The following KDM4C variants were observed in gnomAD, a reference collection of about 807,000 sequenced individuals.
KDM4C encodes lysine-specific demethylase 4C.
In KDM4C, 81 loss-of-function variants were observed where a neutral mutation model predicts 129.3. That is an observed-to-expected ratio of 0.63 (90% CI 0.52 to 0.75). The LOEUF (loss-of-function observed/expected upper bound fraction) is 0.75. Ranked by LOEUF, KDM4C falls within the 30% of genes least tolerant of loss-of-function variation. The probability of loss-of-function intolerance (pLI) is 0.00; values close to 1 mark genes in which losing one functional copy is unlikely to be tolerated. For synonymous variants in KDM4C, 573 were observed against 456.1 expected, an observed-to-expected ratio of 1.26 and a Z score of -3.26; for missense variants, 1,457 against 1,304.0, an observed-to-expected ratio of 1.12 and a Z score of -1.81.
At chr9:6,741,238 A>G (rs935839206) in intron 1 of KDM4C, among the ~76,000 whole-genome samples, 5 of 151,978 alleles carry the variant, frequency 3.3e-5, no homozygotes, top group East Asian at 3.9e-4. Context: ...TCTACTAAAA[A>G]TACAAAAATT....
chr9:7,155,292 A>G (rs1843049584), intron 19 of KDM4C, among the ~76,000 whole-genome samples: 2 of 152,316 alleles, frequency 1.3e-5, no homozygotes, highest in South Asian at 2.1e-4. Context: ...GTTGCATTTC[A>G]TAAATTAAAT....
At chr9:6,824,046 C>T (rs753018992) in intron 4 of KDM4C, among the ~76,000 whole-genome samples, 1 of 152,218 alleles carries the variant, frequency 6.6e-6, no homozygotes, top group Admixed American at 6.5e-5. Context: ...AGACTATATT[C>T]TCTGACCTAG....
At chr9:6,734,097 A>G (rs531576177) in intron 1 of KDM4C, among the ~76,000 whole-genome samples, 1 of 152,106 alleles carries the variant, frequency 6.6e-6, no homozygotes, top group East Asian at 1.9e-4. Flanking sequence ...TCTCAGCCTT[A>G]TTTTACCAGC....
intron 3 of KDM4C, among the ~76,000 whole-genome samples, chr9:6,807,674 C>G (rs1239266948): frequency 3.4e-5 from 5 of 147,322 alleles, no homozygotes; most frequent in Non-Finnish European, 6.0e-5. Context: ...AGTGAGGAGC[C>G]CATCCGCCCG....
chr9:6,731,864 C>T (rs1362222088), intron 1 of KDM4C, among the ~76,000 whole-genome samples: 3 of 152,120 alleles, frequency 2.0e-5, no homozygotes, highest in Non-Finnish European at 4.4e-5. Context: ...CATGGTTGCA[C>T]ATTTCTTTCA....
chr9:7,170,584 A>G, intron 21 of KDM4C: 1 of 948,602 alleles, frequency 1.1e-6, no homozygotes, highest in Non-Finnish European at 1.3e-6. Flanking sequence ...ATCATAAAAT[A>G]TTCAGTGGAC....
intron 4 of KDM4C, among the ~76,000 whole-genome samples, chr9:6,839,431 G>A (rs112720373): frequency 0.042 from 6,120 of 146,666 alleles, 178 homozygotes; most frequent in East Asian, 0.14. Context: ...GTAGAGATAG[G>A]GTCCCACTGT....
Position 6,835,513 on chromosome 9 carries a change from A to G in KDM4C, c.436-13994A>G. The G allele has an allele frequency of 3.3e-6, 5 of 1,514,518 alleles. No individual in the cohort carries two copies. The South Asian group carries it at 5.6e-5, about 17-fold the overall frequency. 93.8% of individuals were successfully genotyped at this position (1,514,518 alleles called of 1,614,324 possible). A position where few individuals can be genotyped will look rare whatever the true frequency, so the allele number is the denominator to read the frequency against. On this transcript the variant is annotated intron_variant, in intron 4 of 21. Transcript: ENST00000381309. ...GGCCTCGCTGTCCACCTTCCAGCAG[A>G]TGTGGATCAGCAAGCAGGAGTATGA...
intron 1 of KDM4C, among the ~76,000 whole-genome samples, chr9:6,770,744 A>T (rs72699635): frequency 0.1 from 9,242 of 90,082 alleles, 452 homozygotes; most frequent in Non-Finnish European, 0.13. Flanking sequence ...CCGGTATCGT[A>T]TATGGTTTTT....
chr9:6,901,237 C>G (rs1458806691), intron 8 of KDM4C, among the ~76,000 whole-genome samples: 1 of 152,254 alleles, frequency 6.6e-6, no homozygotes, highest in South Asian at 2.1e-4. Context: ...GGGCCCTGGG[C>G]ACCCCCCAGA....
intron 4 of KDM4C, among the ~76,000 whole-genome samples, chr9:6,831,004 A>G (rs1253501248): frequency 6.6e-6 from 1 of 152,226 alleles, no homozygotes; most frequent in East Asian, 1.9e-4. Context: ...TGGTTAAGAA[A>G]AGGCTCAAGT....
intron 12 of KDM4C, among the ~76,000 whole-genome samples, chr9:7,011,300 A>G (rs1022594055): frequency 1.3e-5 from 2 of 152,244 alleles, no homozygotes; most frequent in South Asian, 4.1e-4. Context: ...ATATTGGCAA[A>G]GTAGTTTCTG....
At chr9:6,770,703 T>C (rs1477807093) in intron 1 of KDM4C, among the ~76,000 whole-genome samples, 1 of 144,088 alleles carries the variant, frequency 6.9e-6, no homozygotes, top group African/African-American at 2.5e-5. Context: ...TTGATGTTTT[T>C]CAACGTCTTT....
chr9:7,056,432 C>G (rs1025327409), intron 17 of KDM4C, among the ~76,000 whole-genome samples: 8 of 151,838 alleles, frequency 5.3e-5, no homozygotes, highest in African/African-American at 1.9e-4. Flanking sequence ...CTATTGCAAG[C>G]TGTCAAATTT....
At chr9:7,030,210 C>G (rs80278557) in intron 15 of KDM4C, among the ~76,000 whole-genome samples, 2,538 of 152,166 alleles carry the variant, frequency 0.017, 80 homozygotes, top group African/African-American at 0.058. Flanking sequence ...TTAAATAAAA[C>G]TGAATTTACT....
chr9:7,060,258 C>T (rs1196077673), intron 17 of KDM4C, among the ~76,000 whole-genome samples: 1 of 150,302 alleles, frequency 6.7e-6, no homozygotes, highest in Non-Finnish European at 1.5e-5. Context: ...ACGTGGAGAA[C>T]AGAGGAGAGG....
intron 15 of KDM4C, among the ~76,000 whole-genome samples, chr9:7,017,941 A>C (rs1393267477): frequency 6.6e-6 from 1 of 152,178 alleles, no homozygotes; most frequent in Non-Finnish European, 1.5e-5. Flanking sequence ...GAAGGGATAA[A>C]AATATGGACA....
In KDM4C at chr9:6,996,167, T is replaced by A. The variant is rs560481907; in HGVS notation, c.1786+5643T>A. Among the ~76,000 whole-genome samples, 21 of 152,328 alleles carry A rather than the reference T, an allele frequency of 1.4e-4. 1 individual carries two copies. Among genetic ancestry groups the A allele is most frequent in the Admixed American group, 9.8e-4 (15 of 15,300 alleles). On this transcript the variant is annotated intron_variant, in intron 12 of 21. Coordinates refer to ENST00000381309, the MANE Select transcript of KDM4C (RefSeq NM_015061.6). Reference sequence around the variant, plus strand: ...TGTTGCCTTGCTGCCCATTTTGATGTGATTCACACTCACAAATGTTTTAAG... The same window carrying A: ...TGTTGCCTTGCTGCCCATTTTGATGAGATTCACACTCACAAATGTTTTAAG...
At chr9:7,071,817 T>C (rs1472037059) in intron 17 of KDM4C, among the ~76,000 whole-genome samples, 1 of 152,156 alleles carries the variant, frequency 6.6e-6, no homozygotes, top group East Asian at 1.9e-4. Context: ...AAAACACTTT[T>C]TGAGTCTACG....
Sources: gnomAD v4.1 joint callset for allele counts (sites outside exome capture counted in the v4.1 genomes callset) on GRCh38, gnomAD v4.1.1 for gene constraint, MANE v1.5 for transcripts, NCBI Gene and HGNC (gene_info 2026-07-23, HGNC 2026-07-21) for gene names.